The following USP43 variants were observed in gnomAD, a reference collection of about 807,000 sequenced individuals.
USP43 encodes the protein ubiquitin carboxyl-terminal hydrolase 43.
USP43 carries 33 observed loss-of-function variants against 90.7 expected under a neutral mutation model. The ratio of observed to expected loss-of-function variants is 0.36; its 90% CI spans 0.28 to 0.49. The LOEUF (loss-of-function observed/expected upper bound fraction) is 0.49, where lower values mean the gene tolerates loss of function less well. Ranked by LOEUF, USP43 falls within the 20% of genes least tolerant of loss-of-function variation. USP43 has a pLI of 0.98. For missense variants in USP43, 1,274 were observed against 1,476.4 expected (o/e 0.86, Z 2.25); for synonymous variants, 598 against 615.8 (o/e 0.97, Z 0.43).
chr17:9,688,067 G>A (rs1489533314), intron 8 of USP43, among the ~76,000 whole-genome samples: 1 of 148,004 alleles, frequency 6.8e-6, no homozygotes, highest in African/African-American at 2.5e-5. Flanking sequence ...CTCACTGCAA[G>A]CTCCGCCTCC....
chr17:9,648,373 C>T (rs1215985921), intron 1 of USP43, among the ~76,000 whole-genome samples: 6 of 152,204 alleles, frequency 3.9e-5, no homozygotes, highest in Non-Finnish European at 7.3e-5. Flanking sequence ...ACTAGGAATG[C>T]ATGGAATGCA....
intron 9 of USP43, among the ~76,000 whole-genome samples, chr17:9,693,698 C>T (rs184179091): frequency 6.6e-5 from 10 of 152,050 alleles, no homozygotes; most frequent in Non-Finnish European, 4.4e-5. Context: ...ATTAGCCGGT[C>T]GTGGTAGCAC....
intron 3 of USP43, 47 bp downstream of exon 3, chr17:9,666,798 A>T: frequency 6.8e-7 from 1 of 1,466,960 alleles, no homozygotes; most frequent in Non-Finnish European, 9.4e-7. Flanking sequence ...GGCTCCGCAG[A>T]CTCAATTCCT....
chr17:9,707,501 G>A (rs987702182), intron 12 of USP43, among the ~76,000 whole-genome samples: 2 of 151,856 alleles, frequency 1.3e-5, no homozygotes, highest in Non-Finnish European at 2.9e-5. Context: ...AAAACAATTA[G>A]CCGGGTGTGG....
chr17:9,678,381 G>A (rs544469190), intron 5 of USP43, among the ~76,000 whole-genome samples: 5 of 151,888 alleles, frequency 3.3e-5, no homozygotes, highest in Middle Eastern at 3.4e-3. Context: ...ATTTTTTGAC[G>A]GAGTCTCCCT....
chr17:9,713,238 G>A (rs2151995922), intron 14 of USP43, among the ~76,000 whole-genome samples: 1 of 152,124 alleles, frequency 6.6e-6, no homozygotes, highest in African/African-American at 2.4e-5. Context: ...ACAGGCGCCT[G>A]CCACTACGCC....
At chr17:9,648,939 C>CTT (rs1555546193) in intron 1 of USP43, among the ~76,000 whole-genome samples, 1 of 125,850 alleles carries the variant, frequency 7.9e-6, no homozygotes, top group African/African-American at 2.9e-5. Context: ...GTCTCTCTCC[C>CTT]TCTCTCTCTC....
intron 12 of USP43, among the ~76,000 whole-genome samples, chr17:9,707,139 TATG>T (rs1340136425): frequency 6.6e-6 from 1 of 152,242 alleles, no homozygotes; most frequent in African/African-American, 2.4e-5. Context: ...TGAAATAAAA[TATG>T]ATGATGAGGC....
At chr17:9,655,454 CATCCTTTTCTT>C (rs1255994642) in intron 1 of USP43, among the ~76,000 whole-genome samples, 4 of 152,232 alleles carry the variant, frequency 2.6e-5, no homozygotes, top group African/African-American at 7.2e-5. Context: ...ACTTCATTAT[CATCCTTTTCTT>C]ATTGAATTAT....
chr17:9,690,357 T>G (rs1322743713), intron 8 of USP43, among the ~76,000 whole-genome samples: 1 of 152,178 alleles, frequency 6.6e-6, no homozygotes, highest in East Asian at 1.9e-4. Flanking sequence ...AGATCATCAG[T>G]GACAAATTTA....
chr17:9,716,329 C>A (rs1157704730), intron 14 of USP43, among the ~76,000 whole-genome samples: 3 of 151,724 alleles, frequency 2.0e-5, no homozygotes, highest in Admixed American at 6.6e-5. Flanking sequence ...TATATTAATC[C>A]TTCAATACTT....
At position 9,714,859 on chromosome 17, in the gene USP43, C is replaced by CCAACTGTA. The variant is rs1459572198; in HGVS notation, c.2335+2729_2335+2736dup. ...AAAAAAGAGAATCTTAAGGAAGCAG[C>CCAACTGTA]CAACTGTACTGGATGCTGCTGAGAG... On this transcript the variant is annotated intron_variant, in intron 14 of 14. Transcript: ENST00000285199. Among the ~76,000 whole-genome samples the CCAACTGTA allele has an allele frequency of 2.0e-5, 3 of 152,178 alleles. No homozygotes were observed. In the East Asian group the frequency reaches 5.8e-4, roughly 29 times the overall value.
chr17:9,715,971 G>C (rs1042565900), intron 14 of USP43, among the ~76,000 whole-genome samples: 1 of 151,512 alleles, frequency 6.6e-6, no homozygotes, highest in Non-Finnish European at 1.5e-5. Context: ...CTGTGTATAT[G>C]TGTGTGTGTC....
chr17:9,711,833 T>C, intron 13 of USP43, 135 bp from the exon 14 acceptor site: 3 of 1,006,514 alleles, frequency 3.0e-6, no homozygotes, highest in Non-Finnish European at 4.0e-6. Context: ...GACAGGTTTC[T>C]GCAGTTCTGT....
Position 9,693,108 on chromosome 17 carries a change from T to A in USP43, c.1354-19T>A. On this transcript the variant is annotated intron_variant, in intron 8 of 14. Coordinates refer to ENST00000285199, the MANE Select transcript of USP43 (RefSeq NM_153210.5). ...TATAGGGGCTACGTAATGATCCATG[T>A]CTGTTTTTGTCTTCGCAGAACCTGG... 1 of 1,602,478 alleles carries A rather than the reference T, an allele frequency of 6.2e-7. No homozygotes were observed. The highest frequency in any genetic ancestry group is 8.5e-7 in the Non-Finnish European group (1 of 1,170,752).
chr17:9,677,413 A>C (rs1913856780), intron 5 of USP43, among the ~76,000 whole-genome samples: 1 of 152,258 alleles, frequency 6.6e-6, no homozygotes, highest in Non-Finnish European at 1.5e-5. Flanking sequence ...AGGACAGTAA[A>C]GGAACAGTAA....
intron 9 of USP43, among the ~76,000 whole-genome samples, chr17:9,695,991 A>G (rs895107830): frequency 2.6e-5 from 4 of 152,108 alleles, no homozygotes; most frequent in Non-Finnish European, 4.4e-5. Flanking sequence ...CATTGTATGT[A>G]TACACCACCT....
chr17:9,680,603 A>G (rs774246849), intron 6 of USP43, among the ~76,000 whole-genome samples: 6 of 152,156 alleles, frequency 3.9e-5, no homozygotes, highest in Non-Finnish European at 8.8e-5. Flanking sequence ...GTGTGAAAGC[A>G]GATTTCTGGA....
At chr17:9,661,469 G>A (rs903473170) in intron 2 of USP43, among the ~76,000 whole-genome samples, 1 of 151,978 alleles carries the variant, frequency 6.6e-6, no homozygotes, top group Non-Finnish European at 1.5e-5. Flanking sequence ...CACTCCTCCT[G>A]CCTCAGCCCC....
Sources: gnomAD v4.1 joint callset for allele counts (sites outside exome capture counted in the v4.1 genomes callset) on GRCh38, gnomAD v4.1.1 for gene constraint, MANE v1.5 for transcripts, NCBI Gene and HGNC (gene_info 2026-07-23, HGNC 2026-07-21) for gene names.